SGSM2: variants seen among roughly 807,000 people sequenced by gnomAD.
SGSM2 encodes small G protein signaling modulator 2.
Under a neutral mutation model 126.6 loss-of-function variants are expected in SGSM2, and 89 were observed. The ratio of observed to expected loss-of-function variants is 0.70; its 90% CI spans 0.59 to 0.84. The LOEUF (loss-of-function observed/expected upper bound fraction) is 0.84. Among genes scored for constraint, SGSM2 ranks in the 40% least tolerant of loss-of-function variants. The pLI is 0.00. For synonymous variants in SGSM2, 614 were observed against 574.3 expected, an observed-to-expected ratio of 1.07 and a Z score of -0.99; for missense variants, 1,404 against 1,416.6, an observed-to-expected ratio of 0.99 and a Z score of 0.14.
chr17:2,372,880 T>A lies in SGSM2; in HGVS notation c.1789-73T>A, dbSNP rs1455050313. Reference sequence around the variant, plus strand: ...AGGCCCCGCCCCAGCCCATTCTCCGTGGGATGGGGCTCACCCAGCTGGGCC... The same window carrying A: ...AGGCCCCGCCCCAGCCCATTCTCCGAGGGATGGGGCTCACCCAGCTGGGCC... On this transcript the variant is annotated intron_variant, in intron 15 of 23. Coordinates refer to ENST00000268989, the MANE Select transcript of SGSM2 (RefSeq NM_014853.3). This position sits in a 1 kb window ranked among gnomAD's most constrained non-coding sequence, Gnocchi z 6.0. The A allele has an allele frequency of 6.6e-7, 1 of 1,522,860 alleles. No homozygotes were observed. Among genetic ancestry groups the A allele is most frequent in the African/African-American group, 1.4e-5 (1 of 72,354 alleles). 94.3% of individuals were successfully genotyped at this position (1,522,860 alleles called of 1,614,324 possible). A position where few individuals can be genotyped will look rare whatever the true frequency, so the allele number is the denominator to read the frequency against.
At position 2,375,853 on chromosome 17, in the gene SGSM2, C is replaced by A; in HGVS notation, c.2462C>A (p.Ala821Asp). The part of the protein sequence containing the change: ...GELEAGEELA[A>D]VCAAAYTIEL... ...CTGGAGGCCGGAGAGGAGCTTGCGG[C>A]TGTGTGTGCGGCTGCCTACACTGTG... Residue 821 changes from alanine to aspartate, a missense_variant, in exon 18 of 24, where the codon GCT (alanine) becomes GAT (aspartate). Transcript: ENST00000268989. 1 of 1,527,872 alleles carries A rather than the reference C, an allele frequency of 6.5e-7. No individual in the cohort carries two copies. 94.6% of individuals were successfully genotyped at this position (1,527,872 alleles called of 1,614,324 possible). A position where few individuals can be genotyped will look rare whatever the true frequency, so the allele number is the denominator to read the frequency against.
At chr17:2,347,409 ATTTTTTT>A (rs370675318) in intron 2 of SGSM2, among the ~76,000 whole-genome samples, 1 of 131,286 alleles carries the variant, frequency 7.6e-6, no homozygotes. Flanking sequence ...ACCCGGCCTC[ATTTTTTT>A]TTTTTTTTTT....
intron 2 of SGSM2, among the ~76,000 whole-genome samples, chr17:2,358,886 T>TTTG (rs1366736425): frequency 1.3e-5 from 2 of 149,668 alleles, no homozygotes. Flanking sequence ...TTTTTTTTTT[T>TTTG]TTTTTTTTGA....
chr17:2,340,510 C>T (rs1237810012), intron 1 of SGSM2, among the ~76,000 whole-genome samples: 5 of 152,084 alleles, frequency 3.3e-5, no homozygotes. Context: ...CAGAATATGC[C>T]ACAGCTACGT....
Position 2,365,365 on chromosome 17 carries a change from G to A in SGSM2, c.1288+24G>A, listed in dbSNP as rs202088457. On this transcript the variant is annotated intron_variant, in intron 11 of 23. Transcript: ENST00000268989. ...CAGTGAGTGTCCCGAGCTTCATCCC[G>A]GGGGAGGAGAGGAAGACGCTCTGGG... The A allele has an allele frequency of 2.2e-5, 33 of 1,516,200 alleles. No homozygotes were observed. The East Asian group carries it at 3.7e-4, about 17-fold the overall frequency. 93.9% of individuals were successfully genotyped at this position (1,516,200 alleles called of 1,614,324 possible). A position where few individuals can be genotyped will look rare whatever the true frequency, so the allele number is the denominator to read the frequency against.
intron 2 of SGSM2, among the ~76,000 whole-genome samples, chr17:2,354,408 A>G (rs929468558): frequency 1.3e-5 from 2 of 152,180 alleles, no homozygotes; most frequent in Non-Finnish European, 2.9e-5. Flanking sequence ...TTTTGTAATT[A>G]AAAGGTGTCA....
Position 2,365,248 on chromosome 17 carries a change from A to G in SGSM2, c.1195A>G (p.Ser399Gly). The G allele has an allele frequency of 1.9e-6, 3 of 1,612,744 alleles. No homozygotes were observed. The South Asian group carries it at 3.3e-5, about 18-fold the overall frequency. ...GTTCCCCAAGCTACGGAAACGAAGC[A>G]GCATTCGCTCCGTGGATATGGAGGA... ...KVFPKLRKRSSIRSVDMEEMG... is the reference protein window; with the variant it reads ...KVFPKLRKRSGIRSVDMEEMG... The change falls in exon 11 of 24, where the codon AGC (serine) becomes GGC (glycine). Residue 399 changes from serine to glycine, a missense_variant. By Grantham distance (56) the Ser-to-Gly change is moderately conservative. Coordinates refer to ENST00000268989, the MANE Select transcript of SGSM2 (RefSeq NM_014853.3).
At chr17:2,351,399 C>T (rs1393596453) in intron 2 of SGSM2, among the ~76,000 whole-genome samples, 1 of 152,168 alleles carries the variant, frequency 6.6e-6, no homozygotes, top group Non-Finnish European at 1.5e-5. Context: ...GGCCCTCATG[C>T]AGACGAAGCT....
At position 2,363,942 on chromosome 17, in the gene SGSM2, C is replaced by G; in HGVS notation, c.808-117C>G. ...CTTCTGCCCCGTCCCTAGTCCAGGA[C>G]CCCGTGACTAGCCTAGCTTGGCCTC... On this transcript the variant is annotated intron_variant, in intron 7 of 23. Transcript: ENST00000268989. This position sits in a 1 kb window ranked among gnomAD's most constrained non-coding sequence, Gnocchi z 4.2. The G allele has an allele frequency of 7.9e-7, 1 of 1,271,532 alleles. No homozygotes were observed. The highest frequency in any genetic ancestry group is 1.1e-6 in the Non-Finnish European group (1 of 890,508). The allele number at this position is 1,271,532 out of a possible 1,614,324, so 78.8% of individuals were successfully genotyped here. A position where few individuals can be genotyped will look rare whatever the true frequency, so the allele number is the denominator to read the frequency against.
rs1407077650 is a variant in SGSM2, at chr17:2,379,188, A to G, written c.3052A>G (p.Ile1018Val). ...RDNNMDFTDI[I>V]KFFNERAEHH... The stretch of plus-strand genomic sequence containing the variant: ...CAACAACATGGACTTCACTGACATC[A>G]TCAAGTTTTTCAATGGTACGAGCTG... Residue 1018 changes from isoleucine (I) to valine (V), a missense_variant, in exon 23 of 24, where the codon ATC (isoleucine) becomes GTC (valine). Physicochemically the swap from Ile to Val is conservative, Grantham distance 29 (BLOSUM62 3). Transcript: ENST00000268989. The G allele has an allele frequency of 2.5e-6, 4 of 1,613,926 alleles. No homozygotes were observed. The highest frequency in any genetic ancestry group is 2.2e-5 in the East Asian group (1 of 44,886).
In SGSM2 at chr17:2,362,248, C is replaced by G. The variant is rs377325154; in HGVS notation, c.436C>G (p.Gln146Glu). ...CGAGAAAGTTCTGGACAAGGTCGTG[C>G]AATACCTGGCGGAAAACTGCAGGTG... ...LIEKVLDKVV[Q>E]YLAENCSKYY... The change falls in exon 4 of 24, where the codon CAA becomes GAA. Residue 146 changes from glutamine to glutamate, a missense_variant. By Grantham distance (29) the Gln-to-Glu change is conservative. Coordinates refer to ENST00000268989, the MANE Select transcript of SGSM2 (RefSeq NM_014853.3). This position sits in a 1 kb window ranked among gnomAD's most constrained non-coding sequence, Gnocchi z 4.9. 3 of 1,611,798 alleles carry G rather than the reference C, an allele frequency of 1.9e-6. No individual in the cohort carries two copies. Among genetic ancestry groups the G allele is most frequent in the Non-Finnish European group, 2.5e-6 (3 of 1,179,254 alleles).
chr17:2,372,698 C>T lies in SGSM2; in HGVS notation c.1788+210C>T, dbSNP rs1479859746. The T allele has an allele frequency of 4.9e-6, 4 of 808,808 alleles. No homozygotes were observed. Among genetic ancestry groups the T allele is most frequent in the Non-Finnish European group, 1.9e-6 (1 of 513,694 alleles). 50.1% of individuals were successfully genotyped at this position (808,808 alleles called of 1,614,324 possible). The stretch of plus-strand genomic sequence containing the variant: ...GGGAAGCCGTCCTGCCTCCACATCG[C>T]CCTGTGACCCTGGACAAAGCTTTGC... On this transcript the variant is annotated intron_variant, in intron 15 of 23. Coordinates refer to ENST00000268989, the MANE Select transcript of SGSM2 (RefSeq NM_014853.3). The surrounding 1 kb of genome is among the most constrained non-coding windows in gnomAD (Gnocchi z 6.0).
Position 2,362,707 on chromosome 17 carries a change from C to T in SGSM2, c.459-131C>T, listed in dbSNP as rs2151565788. On this transcript the variant is annotated intron_variant, in intron 4 of 23. Transcript: ENST00000268989. This position sits in a 1 kb window ranked among gnomAD's most constrained non-coding sequence, Gnocchi z 4.9. ...TACCAGGCACCTCACGAAGCCCAGT[C>T]CCTAAGGACTCACTGTTTCTTGATG... 1 of 912,270 alleles carries T rather than the reference C, an allele frequency of 1.1e-6. No individual in the cohort carries two copies. The highest frequency in any genetic ancestry group is 1.7e-6 in the Non-Finnish European group (1 of 585,452). 56.5% of individuals were successfully genotyped at this position (912,270 alleles called of 1,614,324 possible).
intron 1 of SGSM2, among the ~76,000 whole-genome samples, chr17:2,339,495 C>T (rs144303276): frequency 0.011 from 1,609 of 151,630 alleles, 31 homozygotes; most frequent in South Asian, 0.058. Context: ...GAGGCTGGGA[C>T]GGGCGGATCA....
Position 2,376,963 on chromosome 17 carries a change from G to A in SGSM2, c.2697G>A (p.Gln899=). 1.2e-6 allele frequency: 2 copies of A among 1,613,116 alleles called. No homozygotes were observed. The highest frequency in any genetic ancestry group is 8.5e-7 in the Non-Finnish European group (1 of 1,179,434). The change falls in exon 21 of 24, where the codon CAG becomes CAA. Residue 899 remains glutamine (Q), a synonymous_variant. Coordinates refer to ENST00000268989, the MANE Select transcript of SGSM2 (RefSeq NM_014853.3). ...APLLVTLDND[Q]LAYSCFSHLM... ...TTCACTCCTGTCTCCCCTCAGATCAGCTGGCCTACAGCTGCTTCAGCCACC... is the reference window on the plus strand; with the variant it reads ...TTCACTCCTGTCTCCCCTCAGATCAACTGGCCTACAGCTGCTTCAGCCACC...
Position 2,372,106 on chromosome 17 carries a change from C to G in SGSM2, c.1578-84C>G, listed in dbSNP as rs2065897798. On this transcript the variant is annotated intron_variant, in intron 13 of 23. Coordinates refer to ENST00000268989, the MANE Select transcript of SGSM2 (RefSeq NM_014853.3). This position sits in a 1 kb window ranked among gnomAD's most constrained non-coding sequence, Gnocchi z 6.0. ...CCCTCCCCAGTGCCTTACCTGCCCC[C>G]CAGGACAGAGCCTCCTCCCTTCTCT... The G allele has an allele frequency of 3.3e-6, 5 of 1,531,304 alleles. No homozygotes were observed. The Admixed American group carries it at 5.0e-5, about 15-fold the overall frequency. 94.9% of individuals were successfully genotyped at this position (1,531,304 alleles called of 1,614,324 possible).
intron 2 of SGSM2, among the ~76,000 whole-genome samples, chr17:2,346,479 A>C (rs1255190763): frequency 6.6e-6 from 1 of 152,208 alleles, no homozygotes; most frequent in Admixed American, 6.5e-5. Context: ...GGGCAAACCC[A>C]GGAAAGTTTG....
rs753835631 is a variant in SGSM2 at position 2,338,790 on chromosome 17, A to ATATATATATAT, written c.57+1045_57+1046insTATATATATAT. Among the ~76,000 whole-genome samples the ATATATATATAT allele has an allele frequency of 1.4e-3, 100 of 73,232 alleles. 1 individual carries two copies. The South Asian group carries it at 0.02, about 14-fold the overall frequency. 48.0% of individuals were successfully genotyped at this position (73,232 alleles called of 152,430 possible). A position where few individuals can be genotyped will look rare whatever the true frequency, so the allele number is the denominator to read the frequency against. The stretch of plus-strand genomic sequence containing the variant: ...CGTCTCCCTAATATATATATATATA[A>ATATATATATAT]CCTCACGCCTGTAATCCCAGCACGT... On this transcript the variant is annotated intron_variant, in intron 1 of 23. Coordinates refer to ENST00000268989, the MANE Select transcript of SGSM2 (RefSeq NM_014853.3).
At position 2,362,296 on chromosome 17, in the gene SGSM2, G is replaced by T. The variant is rs375239460; in HGVS notation, c.458+26G>T. ...GTGACCGCCCCGTTCCCCAAAAACT[G>T]CAGGTGACCACCCCGTTCCCCCCAA... On this transcript the variant is annotated intron_variant, in intron 4 of 23. Transcript: ENST00000268989. The surrounding 1 kb of genome is among the most constrained non-coding windows in gnomAD (Gnocchi z 4.9). 6 of 1,592,550 alleles carry T rather than the reference G, an allele frequency of 3.8e-6. No homozygotes were observed. The highest frequency in any genetic ancestry group is 2.7e-5 in the African/African-American group (2 of 73,206).
Sources: allele counts gnomAD v4.1 joint callset (sites outside exome capture counted in the v4.1 genomes callset), GRCh38; gene constraint gnomAD v4.1.1; non-coding constraint Gnocchi (gnomAD v3.1); transcripts MANE v1.5; gene names NCBI Gene and HGNC (gene_info 2026-07-23, HGNC 2026-07-21).